RALYL: variants seen among roughly 807,000 people sequenced by gnomAD.
RALYL encodes the protein RNA-binding Raly-like protein.
In RALYL, 29 loss-of-function variants were observed where a neutral mutation model predicts 35.1. The observed-to-expected ratio is 0.83, with a 90% confidence interval of 0.61 to 1.13. The LOEUF is 1.13. Among genes scored for constraint, RALYL ranks in the 50% most tolerant of loss-of-function variants. The pLI, the probability that RALYL is intolerant of heterozygous loss-of-function variation, is 0.00. For synonymous variants in RALYL, 120 were observed against 127.6 expected, an observed-to-expected ratio of 0.94 and a Z score of 0.40; for missense variants, 359 against 360.4, an observed-to-expected ratio of 1.00 and a Z score of 0.03.
chr8:84,756,590 G>A (rs528716073), intron 2 of RALYL, among the ~76,000 whole-genome samples: 11 of 152,120 alleles, frequency 7.2e-5, no homozygotes, highest in Admixed American at 1.3e-4. Context: ...CCCAACAGCC[G>A]GGCTGTTAAC....
chr8:84,425,213 A>G (rs370267127), intron 1 of RALYL, among the ~76,000 whole-genome samples: 20 of 150,520 alleles, frequency 1.3e-4, no homozygotes, highest in Non-Finnish European at 1.8e-4. Flanking sequence ...TTCCGTGGGC[A>G]TAGGACCCTC....
At chr8:84,763,878 A>G (rs959940655) in intron 2 of RALYL, among the ~76,000 whole-genome samples, 7 of 152,170 alleles carry the variant, frequency 4.6e-5, no homozygotes, top group African/African-American at 1.7e-4. Flanking sequence ...CTCAGCTAAA[A>G]TTTTTAGACT....
intron 6 of RALYL, among the ~76,000 whole-genome samples, chr8:84,866,143 CAG>C (rs935922351): frequency 7.9e-5 from 12 of 152,050 alleles, no homozygotes; most frequent in Admixed American, 7.9e-4. Flanking sequence ...GAAGGCTTAA[CAG>C]AGGATTTTGA....
At chr8:84,388,362 A>G (rs971209185) in intron 1 of RALYL, among the ~76,000 whole-genome samples, 3 of 152,144 alleles carry the variant, frequency 2.0e-5, no homozygotes, top group East Asian at 1.9e-4. Context: ...ATACGCAGTA[A>G]TGGGATGGCT....
chr8:84,415,205 G>GTTT (rs33962115), intron 1 of RALYL, among the ~76,000 whole-genome samples: 1 of 54,660 alleles, frequency 1.8e-5, no homozygotes, highest in Non-Finnish European at 4.5e-5. Context: ...GCAGACACTC[G>GTTT]TTTTTTTTTT....
At chr8:84,647,950 A>G (rs1827846059) in intron 2 of RALYL, among the ~76,000 whole-genome samples, 1 of 152,126 alleles carries the variant, frequency 6.6e-6, no homozygotes. Flanking sequence ...TTGGGGAAGG[A>G]TTACATTAAA....
At chr8:84,705,851 G>T (rs1257485009) in intron 2 of RALYL, 1 of 1,314,830 alleles carries the variant, frequency 7.6e-7, no homozygotes, top group Non-Finnish European at 1.0e-6. Context: ...GTTACAGGCT[G>T]TAGCATCTCC....
chr8:84,659,753 A>C (rs1031997224), intron 2 of RALYL, among the ~76,000 whole-genome samples: 2 of 152,214 alleles, frequency 1.3e-5, no homozygotes, highest in Non-Finnish European at 2.9e-5. Flanking sequence ...TTTGCCATTT[A>C]TATTCAACCT....
At chr8:84,757,109 A>G (rs1811612960) in intron 2 of RALYL, among the ~76,000 whole-genome samples, 1 of 152,132 alleles carries the variant, frequency 6.6e-6, no homozygotes, top group Non-Finnish European at 1.5e-5. Context: ...TCCATGTAGA[A>G]ATAAGGAACT....
At chr8:84,579,874 C>T (rs770121652) in intron 2 of RALYL, among the ~76,000 whole-genome samples, 5 of 152,030 alleles carry the variant, frequency 3.3e-5, no homozygotes, top group Non-Finnish European at 7.4e-5. Context: ...TATGAGCTAC[C>T]ATTACATTTA....
chr8:84,912,123 T>C (rs944504791), intron 8 of RALYL, among the ~76,000 whole-genome samples: 4 of 152,084 alleles, frequency 2.6e-5, no homozygotes, highest in Non-Finnish European at 4.4e-5. Flanking sequence ...ACCAACACTA[T>C]CTTGAGACTA....
chr8:84,280,771 C>T (rs551719174), intron 1 of RALYL, among the ~76,000 whole-genome samples: 102 of 150,158 alleles, frequency 6.8e-4, no homozygotes, highest in African/African-American at 2.4e-3. Context: ...ATATAATATA[C>T]ATATATATGT....
At chr8:84,673,895 T>G (rs1307280675) in intron 2 of RALYL, among the ~76,000 whole-genome samples, 1 of 152,186 alleles carries the variant, frequency 6.6e-6, no homozygotes, top group Non-Finnish European at 1.5e-5. Flanking sequence ...TTTAAAATAG[T>G]TTTTTCTAAT....
At chr8:84,879,669 G>A (rs958010138) in intron 7 of RALYL, among the ~76,000 whole-genome samples, 3 of 152,058 alleles carry the variant, frequency 2.0e-5, no homozygotes, top group African/African-American at 7.2e-5. Context: ...TGGAAATGGT[G>A]AACAGGTAGG....
intron 1 of RALYL, among the ~76,000 whole-genome samples, chr8:84,408,564 G>T (rs946004582): frequency 2.0e-5 from 3 of 152,158 alleles, no homozygotes; most frequent in Admixed American, 6.6e-5. Context: ...ATAGCAGCAT[G>T]GGGTGGATGA....
intron 1 of RALYL, among the ~76,000 whole-genome samples, chr8:84,373,875 C>T (rs116800289): frequency 1.0e-3 from 153 of 151,932 alleles, no homozygotes; most frequent in Middle Eastern, 3.4e-3. Context: ...TGTTTCATCT[C>T]TGATTTCTTC....
chr8:84,347,873 C>T (rs766687113), intron 1 of RALYL, among the ~76,000 whole-genome samples: 2 of 152,034 alleles, frequency 1.3e-5, no homozygotes, highest in African/African-American at 4.8e-5. Context: ...GAGTAAAGAA[C>T]AATTCATGAG....
At chr8:84,445,923 A>G (rs566322361) in intron 1 of RALYL, among the ~76,000 whole-genome samples, 3 of 151,644 alleles carry the variant, frequency 2.0e-5, no homozygotes, top group South Asian at 2.1e-4. Flanking sequence ...AAGGAGGCCA[A>G]TATTTGATAA....
At chr8:84,508,648 T>C (rs2057365444) in intron 1 of RALYL, among the ~76,000 whole-genome samples, 1 of 152,042 alleles carries the variant, frequency 6.6e-6, no homozygotes, top group Admixed American at 6.6e-5. Flanking sequence ...GCACAAATTA[T>C]ATACATATAT....
Sources: gnomAD v4.1 joint callset for allele counts (sites outside exome capture counted in the v4.1 genomes callset) on GRCh38, gnomAD v4.1.1 for gene constraint, MANE v1.5 for transcripts, NCBI Gene and HGNC (gene_info 2026-07-23, HGNC 2026-07-21) for gene names.